The following ILKAP variants were observed in gnomAD, a reference collection of about 807,000 sequenced individuals.
ILKAP encodes the protein integrin-linked kinase-associated serine/threonine phosphatase 2C.
ILKAP carries 11 observed loss-of-function variants against 49.1 expected under a neutral mutation model. The observed-to-expected ratio is 0.22, with a 90% confidence interval of 0.14 to 0.37. The LOEUF (loss-of-function observed/expected upper bound fraction) is 0.37, where lower values mean the gene tolerates loss of function less well. ILKAP is among the 10% of genes least tolerant of loss of function. The probability of loss-of-function intolerance (pLI) is 1.00; values close to 1 mark genes in which losing one functional copy is unlikely to be tolerated. For synonymous variants in ILKAP, 186 were observed against 192.8 expected (o/e 0.96, Z 0.29); for missense variants, 363 against 510.8 (o/e 0.71, Z 2.79).
At chr2:238,192,810 C>T (rs1374125996) in intron 3 of ILKAP, among the ~76,000 whole-genome samples, 11 of 151,818 alleles carry the variant, frequency 7.2e-5, no homozygotes, top group African/African-American at 2.4e-4. Flanking sequence ...GTCAGGAGTT[C>T]GAGACCAGCC....
At chr2:238,190,827 A>G (rs1694088034) in intron 3 of ILKAP, among the ~76,000 whole-genome samples, 1 of 145,012 alleles carries the variant, frequency 6.9e-6, no homozygotes, top group South Asian at 2.2e-4. Flanking sequence ...GGATCACTTC[A>G]GCCCAGGCAT....
chr2:238,192,024 A>C (rs1302394960), intron 3 of ILKAP, among the ~76,000 whole-genome samples: 1 of 150,032 alleles, frequency 6.7e-6, no homozygotes, highest in East Asian at 2.0e-4. Flanking sequence ...CATCCTGGCC[A>C]ACATGGTGAA....
At chr2:238,190,155 T>C (rs1002339233) in intron 3 of ILKAP, among the ~76,000 whole-genome samples, 183 bp from the exon 4 acceptor site, 9 of 151,914 alleles carry the variant, frequency 5.9e-5, no homozygotes, top group Admixed American at 2.6e-4. Context: ...GGTCCCACAG[T>C]GAGAGAACAT....
At chr2:238,180,215 A>C (rs946146437) in intron 9 of ILKAP, among the ~76,000 whole-genome samples, 2 of 152,206 alleles carry the variant, frequency 1.3e-5, no homozygotes, top group Non-Finnish European at 2.9e-5. Context: ...AGAAATGCCA[A>C]GTCCACGGCA....
chr2:238,195,664 C>T (rs973348620), intron 1 of ILKAP, among the ~76,000 whole-genome samples: 3 of 152,134 alleles, frequency 2.0e-5, no homozygotes, highest in African/African-American at 7.2e-5. Context: ...AAAGTATACA[C>T]GTTCACCTCC....
At chr2:238,187,564 C>T (rs141907177) in intron 5 of ILKAP, among the ~76,000 whole-genome samples, 15 of 152,266 alleles carry the variant, frequency 9.9e-5, no homozygotes, top group Non-Finnish European at 1.8e-4. Context: ...ATAGTTGCAG[C>T]TAATTTTTCA....
Position 238,184,088 on chromosome 2 carries a change from G to A in ILKAP, c.558C>T (p.Thr186=), listed in dbSNP as rs752149631. The A allele has an allele frequency of 7.5e-6, 12 of 1,605,588 alleles. No homozygotes were observed. The highest frequency in any genetic ancestry group is 4.0e-5 in the African/African-American group (3 of 74,818). The change falls in exon 7 of 12, where the codon ACC becomes ACT. Residue 186 remains threonine (T), a synonymous_variant. Coordinates refer to ENST00000254654, the MANE Select transcript of ILKAP (RefSeq NM_030768.3). ...AAGTGTCCAAAAGGCATCTCTTCAC[G>A]GTTTTCTCTACACTGATTACATCTC... ...PKGDVISVEK[T]VKRCLLDTFK...
chr2:238,191,545 G>A (rs1444794290), intron 3 of ILKAP, among the ~76,000 whole-genome samples: 1 of 152,206 alleles, frequency 6.6e-6, no homozygotes, highest in Non-Finnish European at 1.5e-5. Context: ...GTCCCCATTA[G>A]TGTCCTGTGG....
intron 1 of ILKAP, among the ~76,000 whole-genome samples, 175 bp from the exon 2 acceptor site, chr2:238,195,045 T>C (rs955732373): frequency 4.6e-5 from 7 of 152,256 alleles, no homozygotes; most frequent in African/African-American, 9.6e-5. Context: ...TTTTTTAATA[T>C]GGACATCTGT....
Position 238,203,524 on chromosome 2 carries a change from G to C in ILKAP, c.30C>G (p.Pro10=). ...CGGCAGCCGGGCGCGGCGAGCGCTCGGGCTCCGGCAGGTCCCCGAAGAGGT... is the reference window on the plus strand; with the variant it reads ...CGGCAGCCGGGCGCGGCGAGCGCTCCGGCTCCGGCAGGTCCCCGAAGAGGT... MDLFGDLPE[P]ERSPRPAAGK... The change falls in exon 1 of 12, where the codon CCC becomes CCG. Residue 10 remains proline (P), a synonymous_variant. Transcript: ENST00000254654. 8.1e-7 allele frequency: 1 copy of C among 1,236,130 alleles called. No homozygotes were observed. The highest frequency in any genetic ancestry group is 1.0e-6 in the Non-Finnish European group (1 of 982,662). 76.6% of individuals were successfully genotyped at this position (1,236,130 alleles called of 1,614,324 possible).
chr2:238,196,932 G>A (rs1212241517), intron 1 of ILKAP, among the ~76,000 whole-genome samples: 1 of 152,206 alleles, frequency 6.6e-6, no homozygotes, highest in Non-Finnish European at 1.5e-5. Flanking sequence ...GCCAGGTGTG[G>A]TGGCTCACAC....
chr2:238,172,601 G>A (rs1335942608), intron 10 of ILKAP, among the ~76,000 whole-genome samples: 2 of 152,210 alleles, frequency 1.3e-5, no homozygotes, highest in Non-Finnish European at 2.9e-5. Context: ...GGAGGACCCC[G>A]CGGTACGTGA....
chr2:238,176,203 G>A (rs1313404906), intron 9 of ILKAP, among the ~76,000 whole-genome samples: 1 of 127,936 alleles, frequency 7.8e-6, no homozygotes, highest in South Asian at 2.6e-4. Flanking sequence ...GCATGATCTC[G>A]ACTCACTGCA....
chr2:238,191,135 T>G (rs1166565207), intron 3 of ILKAP, among the ~76,000 whole-genome samples: 2 of 151,798 alleles, frequency 1.3e-5, no homozygotes, highest in African/African-American at 4.8e-5. Flanking sequence ...TTTAATTTTT[T>G]TGGTAAACAC....
Position 238,200,716 on chromosome 2 carries a change from G to C in ILKAP, c.55+2783C>G, listed in dbSNP as rs993220426. Among the ~76,000 whole-genome samples the C allele has an allele frequency of 2.0e-5, 3 of 152,210 alleles. No individual in the cohort carries two copies. In the East Asian group the frequency reaches 5.8e-4, roughly 29 times the overall value. ...GCGCACCTGTAGTCCCAGCTACCAAGGAGGCTGAGGTGGAAGAATCACCTG... is the reference window on the plus strand; with the variant it reads ...GCGCACCTGTAGTCCCAGCTACCAACGAGGCTGAGGTGGAAGAATCACCTG... On this transcript the variant is annotated intron_variant, in intron 1 of 11. Transcript: ENST00000254654.
intron 9 of ILKAP, among the ~76,000 whole-genome samples, chr2:238,180,139 C>T (rs144512964): frequency 9.6e-4 from 146 of 151,568 alleles, no homozygotes; most frequent in African/African-American, 3.4e-3. Context: ...CCACTGCACT[C>T]CAGGCAACAG....
At chr2:238,190,686 T>C (rs1239767280) in intron 3 of ILKAP, among the ~76,000 whole-genome samples, 1 of 151,976 alleles carries the variant, frequency 6.6e-6, no homozygotes, top group Non-Finnish European at 1.5e-5. Flanking sequence ...CACATCAATC[T>C]CCAATAAGGG....
At position 238,191,120 on chromosome 2, in the gene ILKAP, A is replaced by G. The variant is rs148326078; in HGVS notation, c.179-1148T>C. 1.1e-4 allele frequency among the ~76,000 whole-genome samples: 16 copies of G among 151,406 alleles called. No individual in the cohort carries two copies. In the East Asian group the frequency reaches 3.1e-3, roughly 29 times the overall value. ...AAAGCAGGAACCACTACACCCGGCT[A>G]ATTTTTTAATTTTTTTGGTAAACAC... On this transcript the variant is annotated intron_variant, in intron 3 of 11. Transcript: ENST00000254654.
chr2:238,190,579 T>TTCACCC (rs1559297619), intron 3 of ILKAP, among the ~76,000 whole-genome samples: 1 of 152,306 alleles, frequency 6.6e-6, no homozygotes, highest in East Asian at 1.9e-4. Flanking sequence ...CTCAGCTGTC[T>TTCACCC]TCACCCGTGC....
Sources: allele counts gnomAD v4.1 joint callset (sites outside exome capture counted in the v4.1 genomes callset), GRCh38; gene constraint gnomAD v4.1.1; transcripts MANE v1.5; gene names NCBI Gene and HGNC (gene_info 2026-07-23, HGNC 2026-07-21).